The following RAP1GDS1 variants were observed in gnomAD, a reference collection of about 807,000 sequenced individuals.
RAP1GDS1 encodes the protein Rap1 GTPase-GDP dissociation stimulator 1.
RAP1GDS1 carries 35 observed loss-of-function variants against 71.1 expected under a neutral mutation model. That is an observed-to-expected ratio of 0.49 (90% CI 0.38 to 0.65). The LOEUF (loss-of-function observed/expected upper bound fraction) is 0.65. Among genes scored for constraint, RAP1GDS1 ranks in the 30% least tolerant of loss-of-function variants. The pLI is 0.00. For synonymous variants in RAP1GDS1, 229 were observed against 243.1 expected, an observed-to-expected ratio of 0.94 and a Z score of 0.54; for missense variants, 663 against 706.1, an observed-to-expected ratio of 0.94 and a Z score of 0.69.
At chr4:98,353,802 C>G (rs1378709913) in intron 4 of RAP1GDS1, among the ~76,000 whole-genome samples, 1 of 152,084 alleles carries the variant, frequency 6.6e-6, no homozygotes, top group African/African-American at 2.4e-5. Flanking sequence ...TTACAAAATT[C>G]TGTTGCTTTA....
intron 7 of RAP1GDS1, among the ~76,000 whole-genome samples, chr4:98,416,234 T>C (rs1009626491): frequency 6.6e-6 from 1 of 151,814 alleles, no homozygotes; most frequent in South Asian, 2.1e-4. Flanking sequence ...AATGGAAATA[T>C]GAAATAAAGC....
rs911694434 is a variant in RAP1GDS1 at position 98,425,747 on chromosome 4, G to C, written c.1440+4353G>C. ...ATAAAACAATTGCCAATAGACCTAA[G>C]AAACAAGATAGACAGTAACACAATA... On this transcript the variant is annotated intron_variant, in intron 12 of 14. Coordinates refer to ENST00000408927, the MANE Select transcript of RAP1GDS1 (RefSeq NM_001100427.2). 1.6e-4 allele frequency among the ~76,000 whole-genome samples: 25 copies of C among 152,034 alleles called. 1 individual carries two copies. Among genetic ancestry groups the C allele is most frequent in the African/African-American group, 2.4e-5 (1 of 41,376 alleles).
At chr4:98,435,231 C>A (rs926965580) in intron 13 of RAP1GDS1, among the ~76,000 whole-genome samples, 3 of 152,294 alleles carry the variant, frequency 2.0e-5, no homozygotes, top group Admixed American at 6.5e-5. Flanking sequence ...GACCCTCCAA[C>A]CCCAGTTCCA....
intron 14 of RAP1GDS1, 24 bp from the exon 15 acceptor site, chr4:98,441,966 A>G (rs1224253393): frequency 6.2e-7 from 1 of 1,611,426 alleles, no homozygotes; most frequent in Non-Finnish European, 8.5e-7. Flanking sequence ...ACAGAATCAT[A>G]TCTGTTATTT....
intron 5 of RAP1GDS1, among the ~76,000 whole-genome samples, chr4:98,380,385 GA>G (rs1379968354): frequency 2.6e-5 from 4 of 151,780 alleles, no homozygotes; most frequent in African/African-American, 9.7e-5. Context: ...AAGCTAAACA[GA>G]AAGTATCTTC....
At chr4:98,323,214 T>A (rs1732287059) in intron 2 of RAP1GDS1, among the ~76,000 whole-genome samples, 6 of 146,032 alleles carry the variant, frequency 4.1e-5, no homozygotes, top group Admixed American at 2.7e-4. Flanking sequence ...CTCCCAAGAC[T>A]AAACCAGGAA....
At chr4:98,261,684 G>A in intron 1 of RAP1GDS1, 115 bp downstream of exon 1, 2 of 1,333,734 alleles carry the variant, frequency 1.5e-6, no homozygotes, top group African/African-American at 1.5e-5. Context: ...CCCCGGGTGT[G>A]AGACGGTGGC....
At chr4:98,313,148 G>A (rs1730508497) in intron 2 of RAP1GDS1, among the ~76,000 whole-genome samples, 1 of 151,746 alleles carries the variant, frequency 6.6e-6, no homozygotes, top group African/African-American at 2.4e-5. Context: ...CTGCAATGTG[G>A]GTTGTCAGGT....
intron 1 of RAP1GDS1, among the ~76,000 whole-genome samples, chr4:98,282,595 A>G (rs1448188475): frequency 6.9e-5 from 10 of 144,938 alleles, no homozygotes; most frequent in African/African-American, 2.3e-4. Context: ...TTTTTTTTGA[A>G]GGGTTTTTTA....
At chr4:98,381,091 A>G (rs953423404) in intron 5 of RAP1GDS1, among the ~76,000 whole-genome samples, 1 of 151,664 alleles carries the variant, frequency 6.6e-6, no homozygotes, top group East Asian at 1.9e-4. Flanking sequence ...TAATATATAT[A>G]TTTTTTGAAG....
rs533300533 is a variant in RAP1GDS1, at chr4:98,293,883, G to A, written c.112+368G>A. 1.2e-4 allele frequency among the ~76,000 whole-genome samples: 19 copies of A among 152,154 alleles called. No individual in the cohort carries two copies. The East Asian group carries it at 2.7e-3, about 22-fold the overall frequency. On this transcript the variant is annotated intron_variant, in intron 2 of 14. Coordinates refer to ENST00000408927, the MANE Select transcript of RAP1GDS1 (RefSeq NM_001100427.2). Reference sequence around the variant, plus strand: ...GTTTTATATGTGGGGAGAGTGGGGAGGGAGAGAGAGGAGAAACAGAGGGGG... The same window carrying A: ...GTTTTATATGTGGGGAGAGTGGGGAAGGAGAGAGAGGAGAAACAGAGGGGG...
At chr4:98,273,364 G>T (rs947915841) in intron 1 of RAP1GDS1, among the ~76,000 whole-genome samples, 2 of 151,932 alleles carry the variant, frequency 1.3e-5, no homozygotes, top group Admixed American at 6.6e-5. Flanking sequence ...GTTATGTTGC[G>T]CCAGCCTAAT....
intron 4 of RAP1GDS1, among the ~76,000 whole-genome samples, chr4:98,364,740 G>A (rs1739227108): frequency 6.6e-6 from 1 of 151,908 alleles, no homozygotes; most frequent in African/African-American, 2.4e-5. Flanking sequence ...AAAGTATGAT[G>A]TGAGGGCTGG....
chr4:98,418,643 G>T lies in RAP1GDS1; in HGVS notation c.1040-14G>T, dbSNP rs777288154. ...TTTAAAGAGGAAGAAAAAGATGTGT[G>T]TTTTTTTTTTCAGATGCAAATTGTA... On this transcript the variant is annotated splice_polypyrimidine_tract_variant and intron_variant, in intron 9 of 14. Transcript: ENST00000408927. 5.8e-6 allele frequency: 8 copies of T among 1,384,800 alleles called. No individual in the cohort carries two copies. Among genetic ancestry groups the T allele is most frequent in the Admixed American group, 2.2e-5 (1 of 46,246 alleles). 85.8% of individuals were successfully genotyped at this position (1,384,800 alleles called of 1,614,324 possible).
At chr4:98,426,308 C>G (rs1749605888) in intron 12 of RAP1GDS1, among the ~76,000 whole-genome samples, 1 of 151,886 alleles carries the variant, frequency 6.6e-6, no homozygotes, top group Non-Finnish European at 1.5e-5. Context: ...GGTCACATTT[C>G]AAGGAACTAG....
intron 1 of RAP1GDS1, among the ~76,000 whole-genome samples, chr4:98,270,384 A>G (rs557986601): frequency 2.0e-5 from 3 of 152,288 alleles, no homozygotes; most frequent in South Asian, 2.1e-4. Flanking sequence ...TATAACCTCT[A>G]TATAACTTGT....
At chr4:98,399,670 T>C (rs1482653421) in intron 6 of RAP1GDS1, among the ~76,000 whole-genome samples, 1 of 152,174 alleles carries the variant, frequency 6.6e-6, no homozygotes, top group Non-Finnish European at 1.5e-5. Flanking sequence ...CTAACCAATG[T>C]ATGATAAAAT....
intron 2 of RAP1GDS1, among the ~76,000 whole-genome samples, chr4:98,323,841 C>T (rs1365976738): frequency 6.7e-6 from 1 of 149,106 alleles, no homozygotes; most frequent in Non-Finnish European, 1.5e-5. Flanking sequence ...AAACTGGAAG[C>T]ATTCCCTTTG....
At chr4:98,367,225 G>A (rs555334565) in intron 4 of RAP1GDS1, among the ~76,000 whole-genome samples, 79 of 152,342 alleles carry the variant, frequency 5.2e-4, no homozygotes, top group African/African-American at 1.8e-3. Context: ...TGGCTTCAGA[G>A]GGTGGAAGCC....
Sources: allele counts gnomAD v4.1 joint callset (sites outside exome capture counted in the v4.1 genomes callset), GRCh38; gene constraint gnomAD v4.1.1; transcripts MANE v1.5; gene names NCBI Gene and HGNC (gene_info 2026-07-23, HGNC 2026-07-21).